The following SLC26A4 variants were observed in gnomAD, a reference collection of about 807,000 sequenced individuals.
SLC26A4 encodes pendrin.
SLC26A4 carries 93 observed loss-of-function variants against 90.4 expected under a neutral mutation model. That is an observed-to-expected ratio of 1.03 (90% CI 0.87 to 1.22). The LOEUF is 1.22. SLC26A4 is among the 50% of genes most tolerant of loss of function. The pLI, the probability that SLC26A4 is intolerant of heterozygous loss-of-function variation, is 0.00. For synonymous variants in SLC26A4, 393 were observed against 354.6 expected (o/e 1.11, Z -1.22); for missense variants, 1,127 against 946.2 (o/e 1.19, Z -2.51).
chr7:107,679,945 A>G (rs1028232325), intron 6 of SLC26A4, among the ~76,000 whole-genome samples: 4 of 138,464 alleles, frequency 2.9e-5, no homozygotes, highest in African/African-American at 1.1e-4. Flanking sequence ...ATATAATCTT[A>G]TCTTATATAA....
At position 107,680,305 on chromosome 7, in the gene SLC26A4, A is replaced by AATCTTATATTATTATATAATCTT. The variant is rs1562827487; in HGVS notation, c.766-2889_766-2867dup. Among the ~76,000 whole-genome samples, 10 of 108,934 alleles carry AATCTTATATTATTATATAATCTT rather than the reference A, an allele frequency of 9.2e-5. 1 individual carries two copies. Among genetic ancestry groups the AATCTTATATTATTATATAATCTT allele is most frequent in the African/African-American group, 3.7e-4 (9 of 24,086 alleles). The allele number at this position is 108,934 out of a possible 152,430, so 71.5% of individuals were successfully genotyped here. A position where few individuals can be genotyped will look rare whatever the true frequency, so the allele number is the denominator to read the frequency against. On this transcript the variant is annotated intron_variant, in intron 6 of 20. Coordinates refer to ENST00000644269, the MANE Select transcript of SLC26A4 (RefSeq NM_000441.2). ...ATAATCTTATCTTATTATATAATATAATCTTATATTATTATATAATCTTAT... is the reference window on the plus strand; with the variant it reads ...ATAATCTTATCTTATTATATAATATAATCTTATATTATTATATAATCTTATCTTATATTATTATATAATCTTAT...
rs746526688 is a variant in SLC26A4 at position 107,663,326 on chromosome 7, A to T, written c.195A>T (p.Leu65=). Residue 65 remains leucine, a synonymous_variant, in exon 3 of 21, where the codon CTA becomes CTT. Coordinates refer to ENST00000644269, the MANE Select transcript of SLC26A4 (RefSeq NM_000441.2). ...CAAGAAAGAGAGCCTTTGGTGTGCT[A>T]AAGACTCTTGTGCCCATCTTGGAGT... ...SCSRKRAFGV[L]KTLVPILEWL... The T allele has an allele frequency of 6.2e-7, 1 of 1,614,184 alleles. No individual in the cohort carries two copies. The highest frequency in any genetic ancestry group is 8.5e-7 in the Non-Finnish European group (1 of 1,180,018).
intron 3 of SLC26A4, 46 bp from the exon 4 acceptor site, chr7:107,672,092 C>T: frequency 8.2e-7 from 1 of 1,214,016 alleles, no homozygotes; most frequent in Non-Finnish European, 1.2e-6. Flanking sequence ...TTTCTGCATA[C>T]TGTAACTTTG....
At chr7:107,684,763 C>CT (rs1433166977) in intron 8 of SLC26A4, among the ~76,000 whole-genome samples, 1 of 152,072 alleles carries the variant, frequency 6.6e-6, no homozygotes, top group African/African-American at 2.4e-5. Context: ...TGGAGAAACT[C>CT]TTTAAGAGAG....
chr7:107,694,793 C>A, intron 12 of SLC26A4, 77 bp downstream of exon 12: 1 of 965,854 alleles, frequency 1.0e-6, no homozygotes, highest in South Asian at 1.3e-5. Context: ...ACTATATTCC[C>A]CCCATCCCCT....
chr7:107,670,340 C>A (rs1020944744), intron 3 of SLC26A4, among the ~76,000 whole-genome samples: 1 of 151,964 alleles, frequency 6.6e-6, no homozygotes, highest in African/African-American at 2.4e-5. Flanking sequence ...AGCTCCTGAC[C>A]TCCTGATCCA....
rs35161285 is a variant in SLC26A4, at chr7:107,699,927, CAAAA to C, written c.1615-143_1615-140del. Among the ~76,000 whole-genome samples, 264 of 140,328 alleles carry C rather than the reference CAAAA, an allele frequency of 1.9e-3. 1 individual carries two copies. The highest frequency in any genetic ancestry group is 3.5e-3 in the African/African-American group (133 of 38,120). 92.1% of individuals were successfully genotyped at this position (140,328 alleles called of 152,430 possible). A position where few individuals can be genotyped will look rare whatever the true frequency, so the allele number is the denominator to read the frequency against. On this transcript the variant is annotated intron_variant, in intron 14 of 20. Transcript: ENST00000644269. Reference sequence around the variant, plus strand: ...TGCGCAACAGAGTGAAACTCCATCTCAAAAAAAAAAAAAAAAGAAAAGAAAGAAA... The same window carrying C: ...TGCGCAACAGAGTGAAACTCCATCTCAAAAAAAAAAAAGAAAAGAAAGAAA...
chr7:107,712,586 A>C lies in SLC26A4; in HGVS notation c.2283A>C (p.Thr761=). The C allele has an allele frequency of 6.3e-7, 1 of 1,593,698 alleles. No individual in the cohort carries two copies. Among genetic ancestry groups the C allele is most frequent in the Non-Finnish European group, 8.6e-7 (1 of 1,161,426 alleles). ...AAGATACCCTTGAATTAATAGAAAC[A>C]GAGCTGACGGAAGAAGAACTTGATG... The part of the protein sequence containing the change: ...DCKDTLELIE[T]ELTEEELDVQ... The change falls in exon 20 of 21, where the codon ACA becomes ACC. Residue 761 remains threonine (T), a synonymous_variant. Coordinates refer to ENST00000644269, the MANE Select transcript of SLC26A4 (RefSeq NM_000441.2).
At chr7:107,709,088 G>C (rs1032103712) in intron 18 of SLC26A4, among the ~76,000 whole-genome samples, 1 of 152,192 alleles carries the variant, frequency 6.6e-6, no homozygotes, top group African/African-American at 2.4e-5. Flanking sequence ...AGGGGAAGAA[G>C]CTGATCAAAG....
intron 18 of SLC26A4, among the ~76,000 whole-genome samples, chr7:107,707,142 A>G (rs1792056274): frequency 6.6e-6 from 1 of 152,220 alleles, no homozygotes; most frequent in Admixed American, 6.5e-5. Context: ...GTCTCAAAAA[A>G]TAAAAAAAAA....
At chr7:107,692,357 C>T (rs1342940478) in intron 10 of SLC26A4, among the ~76,000 whole-genome samples, 6 of 152,132 alleles carry the variant, frequency 3.9e-5, no homozygotes, top group African/African-American at 1.2e-4. Context: ...TGTGGCTTCT[C>T]GTGTTTTCTC....
intron 6 of SLC26A4, among the ~76,000 whole-genome samples, chr7:107,680,028 T>C (rs1204325173): frequency 1.5e-5 from 2 of 132,906 alleles, no homozygotes; most frequent in Non-Finnish European, 3.1e-5. Context: ...AATCTTATTA[T>C]ATAATATAAT....
chr7:107,672,952 C>T (rs1341184443), intron 4 of SLC26A4, among the ~76,000 whole-genome samples: 1 of 152,194 alleles, frequency 6.6e-6, no homozygotes, highest in Non-Finnish European at 1.5e-5. Flanking sequence ...GACATGTCTA[C>T]CTCGATGATC....
intron 6 of SLC26A4, among the ~76,000 whole-genome samples, chr7:107,680,725 A>T (rs1490750744): frequency 6.6e-6 from 1 of 152,060 alleles, no homozygotes; most frequent in African/African-American, 2.4e-5. Context: ...CACCAGACAT[A>T]CTTTTTATTC....
intron 8 of SLC26A4, among the ~76,000 whole-genome samples, chr7:107,686,441 C>CTTTCTTTTCTTTCTTTCTT (rs1554357991): frequency 2.6e-5 from 3 of 116,802 alleles, no homozygotes; most frequent in African/African-American, 1.0e-4. Context: ...TTCTTTCTTT[C>CTTTCTTTTCTTTCTTTCTT]TTTCTTTCTT....
At chr7:107,692,647 TAGA>T (rs1791606000) in intron 10 of SLC26A4, among the ~76,000 whole-genome samples, 1 of 152,186 alleles carries the variant, frequency 6.6e-6, no homozygotes, top group South Asian at 2.1e-4. Flanking sequence ...CTACAGATTG[TAGA>T]AGAATTAAAC....
In SLC26A4 at chr7:107,689,312, C is replaced by A. The variant is rs982188737; in HGVS notation, c.1149+112C>A. On this transcript the variant is annotated intron_variant, in intron 9 of 20. Transcript: ENST00000644269. ...GAAGGGGTTGGATTCTTTCACCAGA[C>A]CTTATTGGGTTGGTTTTCCTCTTGT... 17 of 1,115,518 alleles carry A rather than the reference C, an allele frequency of 1.5e-5. 1 individual carries two copies. The highest frequency in any genetic ancestry group is 5.7e-4 in the Middle Eastern group (2 of 3,518). 69.1% of individuals were successfully genotyped at this position (1,115,518 alleles called of 1,614,324 possible). A position where few individuals can be genotyped will look rare whatever the true frequency, so the allele number is the denominator to read the frequency against.
chr7:107,710,193 A>G lies in SLC26A4; in HGVS notation c.2229A>G (p.Leu743=), dbSNP rs755270319. 15 of 1,597,822 alleles carry G rather than the reference A, an allele frequency of 9.4e-6. No individual in the cohort carries two copies. The Admixed American group carries it at 2.3e-4, about 25-fold the overall frequency. The change falls in exon 19 of 21, where the codon TTA becomes TTG. Residue 743 remains leucine (L), a synonymous_variant. Transcript: ENST00000644269. ...VKSQEGQGSI[L]ETITLIQDCK... Reference sequence around the variant, plus strand: ...CTCAAGAGGGTCAAGGTTCCATTTTAGAAACGGTAAATATTCAACCTTTCT... The same window carrying G: ...CTCAAGAGGGTCAAGGTTCCATTTTGGAAACGGTAAATATTCAACCTTTCT...
At chr7:107,712,082 A>G (rs151163258) in intron 19 of SLC26A4, among the ~76,000 whole-genome samples, 89 of 152,348 alleles carry the variant, frequency 5.8e-4, no homozygotes, top group Middle Eastern at 3.4e-3. Flanking sequence ...AACTTGGTCC[A>G]TAGACATTGG....
Sources: gnomAD v4.1 joint callset for allele counts (sites outside exome capture counted in the v4.1 genomes callset) on GRCh38, gnomAD v4.1.1 for gene constraint, MANE v1.5 for transcripts, NCBI Gene and HGNC (gene_info 2026-07-23, HGNC 2026-07-21) for gene names.